IL1RAPL1: variants seen among roughly 807,000 people sequenced by gnomAD.
The protein encoded by IL1RAPL1 is interleukin-1 receptor accessory protein-like 1.
In IL1RAPL1, 3 loss-of-function variants were observed where a neutral mutation model predicts 48.4. The ratio of observed to expected loss-of-function variants is 0.06; its 90% confidence interval spans 0.03 to 0.16. IL1RAPL1 has a LOEUF of 0.16. IL1RAPL1 is among the 10% of genes least tolerant of loss of function. IL1RAPL1 has a pLI of 1.00. For missense variants in IL1RAPL1, 349 were observed against 530.6 expected (o/e 0.66, Z 3.36); for synonymous variants, 185 against 187.7 (o/e 0.99, Z 0.12).
intron 6 of IL1RAPL1, among the ~76,000 whole-genome samples, chrX:29,697,823 A>G (rs1205855201): frequency 1.8e-5 from 2 of 111,301 alleles, no homozygotes; most frequent in Non-Finnish European, 3.8e-5. Flanking sequence ...TCAGCATCTC[A>G]TTAGGAGTAC....
chrX:28,827,119 C>G (rs771676795), intron 2 of IL1RAPL1, among the ~76,000 whole-genome samples: 14 of 111,173 alleles, frequency 1.3e-4, no homozygotes, highest in Non-Finnish European at 2.6e-4. Context: ...AATTAGGACA[C>G]TTTCTGAGAA....
intron 1 of IL1RAPL1, among the ~76,000 whole-genome samples, chrX:28,726,417 T>C (rs1054650459): frequency 3.6e-5 from 4 of 112,574 alleles, no homozygotes; most frequent in Non-Finnish European, 7.5e-5. Context: ...GGATGGAAGC[T>C]GTAATGTCTA....
chrX:28,864,438 T>G (rs1247124372), intron 2 of IL1RAPL1, among the ~76,000 whole-genome samples: 1 of 112,159 alleles, frequency 8.9e-6, no homozygotes, highest in East Asian at 2.8e-4. Flanking sequence ...TTTTTAAAAC[T>G]TGGATATAAT....
chrX:28,838,430 G>A lies in IL1RAPL1; in HGVS notation c.82+49005G>A, dbSNP rs533669372. Among the ~76,000 whole-genome samples, 49 of 110,811 alleles carry A rather than the reference G, an allele frequency of 4.4e-4. 1 individual carries two copies. The South Asian group carries it at 0.017, about 38-fold the overall frequency. On this transcript the variant is annotated intron_variant, in intron 2 of 10. Coordinates refer to ENST00000378993, the MANE Select transcript of IL1RAPL1 (RefSeq NM_014271.4). ...CAGATTTTGACAGCTGGAAATAACC[G>A]GAAGTAAAAGGGGTTAGTATTCCCC...
chrX:29,811,592 C>T (rs954037207), intron 6 of IL1RAPL1, among the ~76,000 whole-genome samples: 7 of 110,896 alleles, frequency 6.3e-5, no homozygotes, highest in African/African-American at 1.6e-4. Context: ...GGATCAATAT[C>T]GCATCCTTCA....
At chrX:29,766,819 A>G (rs1414968056) in intron 6 of IL1RAPL1, among the ~76,000 whole-genome samples, 10 of 106,332 alleles carry the variant, frequency 9.4e-5, no homozygotes, top group Non-Finnish European at 1.5e-4. Context: ...TAATTTTTAT[A>G]TATCTGGCTG....
At chrX:29,932,781 ATTT>A (rs1373028530) in intron 8 of IL1RAPL1, among the ~76,000 whole-genome samples, 3 of 111,592 alleles carry the variant, frequency 2.7e-5, no homozygotes, top group Non-Finnish European at 1.9e-5. Context: ...TATTATTATT[ATTT>A]ATTATTATCT....
chrX:29,050,609 G>A (rs1400453363), intron 2 of IL1RAPL1, among the ~76,000 whole-genome samples: 1 of 112,041 alleles, frequency 8.9e-6, no homozygotes, highest in Non-Finnish European at 1.9e-5. Flanking sequence ...ACAGTATCTC[G>A]GTCACACCAA....
In IL1RAPL1 at chrX:28,650,812, A is replaced by G. The variant is rs750100506; in HGVS notation, c.-25+62765A>G. ...AGTAGTTTGAAAACTACTGTACTAA[A>G]AAATGGAGTCCACTGTCTTTTTTTG... On this transcript the variant is annotated intron_variant, in intron 1 of 10. Coordinates refer to ENST00000378993, the MANE Select transcript of IL1RAPL1 (RefSeq NM_014271.4). Among the ~76,000 whole-genome samples, 161 of 112,174 alleles carry G rather than the reference A, an allele frequency of 1.4e-3. 1 individual carries two copies. Among genetic ancestry groups the G allele is most frequent in the Non-Finnish European group, 2.6e-3 (136 of 53,260 alleles).
At chrX:29,552,110 T>C (rs1036896785) in intron 5 of IL1RAPL1, among the ~76,000 whole-genome samples, 2 of 111,444 alleles carry the variant, frequency 1.8e-5, no homozygotes, top group African/African-American at 6.5e-5. Context: ...CCAGGTTCAC[T>C]CATTTTCCCT....
chrX:29,693,238 C>T (rs1404008983), intron 6 of IL1RAPL1, among the ~76,000 whole-genome samples: 1 of 112,255 alleles, frequency 8.9e-6, no homozygotes, highest in Non-Finnish European at 1.9e-5. Context: ...TCACTGAGCC[C>T]TTCTGGAGGT....
chrX:29,128,921 G>A (rs1395656899), intron 2 of IL1RAPL1, among the ~76,000 whole-genome samples: 2 of 110,743 alleles, frequency 1.8e-5, no homozygotes, highest in East Asian at 5.6e-4. Flanking sequence ...AATTGAATAT[G>A]TTTGGTGTTC....
At chrX:28,931,752 A>C (rs933694214) in intron 2 of IL1RAPL1, among the ~76,000 whole-genome samples, 14 of 111,853 alleles carry the variant, frequency 1.3e-4, no homozygotes, top group African/African-American at 4.2e-4. Context: ...CTATATTTAA[A>C]ATAGGCCAGG....
chrX:29,249,046 C>T (rs761768095), intron 2 of IL1RAPL1, among the ~76,000 whole-genome samples: 7 of 110,722 alleles, frequency 6.3e-5, no homozygotes, highest in Admixed American at 2.9e-4. Flanking sequence ...TTCGAAACAA[C>T]GGTTATAGTA....
intron 2 of IL1RAPL1, among the ~76,000 whole-genome samples, chrX:28,895,428 C>T (rs1303422627): frequency 3.0e-5 from 3 of 100,091 alleles, no homozygotes; most frequent in African/African-American, 1.1e-4. Context: ...GATCGGTCTC[C>T]AAGGAGGGAG....
intron 1 of IL1RAPL1, among the ~76,000 whole-genome samples, chrX:28,753,603 A>G (rs182488074): frequency 1.6e-3 from 180 of 112,238 alleles, no homozygotes; most frequent in African/African-American, 5.2e-3. Flanking sequence ...CAAAACTTAT[A>G]GTCACTGTTG....
At chrX:29,666,307 A>G (rs1382424620) in intron 5 of IL1RAPL1, among the ~76,000 whole-genome samples, 1 of 110,368 alleles carries the variant, frequency 9.1e-6, no homozygotes, top group African/African-American at 3.3e-5. Context: ...ACTGATGTAT[A>G]AGGTAAAATA....
At chrX:28,838,750 A>G (rs1350495150) in intron 2 of IL1RAPL1, among the ~76,000 whole-genome samples, 1 of 110,969 alleles carries the variant, frequency 9.0e-6, no homozygotes, top group Non-Finnish European at 1.9e-5. Flanking sequence ...TCTAAATAGT[A>G]TCTGCTGTTA....
intron 2 of IL1RAPL1, among the ~76,000 whole-genome samples, chrX:29,087,056 G>A (rs1407204245): frequency 9.1e-6 from 1 of 110,388 alleles, no homozygotes; most frequent in Non-Finnish European, 1.9e-5. Flanking sequence ...TCTGTCTCCA[G>A]AAATCTAGAC....
Sources: allele counts gnomAD v4.1 joint callset (sites outside exome capture counted in the v4.1 genomes callset), GRCh38; gene constraint gnomAD v4.1.1; transcripts MANE v1.5; gene names NCBI Gene and HGNC (gene_info 2026-07-23, HGNC 2026-07-21).